The following BCAS3 variants were observed in gnomAD, a reference collection of about 807,000 sequenced individuals.
BCAS3 encodes BCAS4/BCAS3 fusion.
In BCAS3, 53 loss-of-function variants were observed where a neutral mutation model predicts 116.1. That is an observed-to-expected ratio of 0.46 (90% CI 0.37 to 0.57). The LOEUF is 0.57. Among genes scored for constraint, BCAS3 ranks in the 20% least tolerant of loss-of-function variants. The pLI is 0.00. For missense variants in BCAS3, 917 were observed against 1,165.4 expected, an observed-to-expected ratio of 0.79 and a Z score of 3.10; for synonymous variants, 391 against 408.2, an observed-to-expected ratio of 0.96 and a Z score of 0.51.
chr17:61,375,569 CTTT>C (rs909845597), intron 23 of BCAS3, among the ~76,000 whole-genome samples: 5 of 136,540 alleles, frequency 3.7e-5, no homozygotes, highest in Non-Finnish European at 3.2e-5. Context: ...TGTTAATTAT[CTTT>C]TTTTTTTTTT....
rs1230571296 is a variant in BCAS3, at chr17:61,127,000, A to G, written c.2425+42436A>G. Reference sequence around the variant, plus strand: ...TTCGTCACAGGCACTTAAGTTTTAGATTGCATTTAAATTAGGATACATCTC... The same window carrying G: ...TTCGTCACAGGCACTTAAGTTTTAGGTTGCATTTAAATTAGGATACATCTC... On this transcript the variant is annotated intron_variant, in intron 22 of 23. Coordinates refer to ENST00000407086, the MANE Select transcript of BCAS3 (RefSeq NM_017679.5). The surrounding 1 kb of genome is among the most constrained non-coding windows in gnomAD (Gnocchi z 4.6). Among the ~76,000 whole-genome samples, 1 of 152,120 alleles carries G rather than the reference A, an allele frequency of 6.6e-6. No homozygotes were observed. Among genetic ancestry groups the G allele is most frequent in the East Asian group, 1.9e-4 (1 of 5,182 alleles).
At chr17:61,022,885 A>T (rs73322800) in intron 16 of BCAS3, among the ~76,000 whole-genome samples, 15,433 of 151,224 alleles carry the variant, frequency 0.1, 2,368 homozygotes, top group African/African-American at 0.34. Context: ...GTCTTGCCTT[A>T]GCCTCCCAAA....
intron 5 of BCAS3, among the ~76,000 whole-genome samples, chr17:60,734,459 T>C (rs773416232): frequency 6.6e-6 from 1 of 152,206 alleles, no homozygotes; most frequent in Non-Finnish European, 1.5e-5. Context: ...TTTTAGACTT[T>C]CGTGTTTCAC....
At chr17:60,717,339 C>A (rs1215629747) in intron 5 of BCAS3, among the ~76,000 whole-genome samples, 9 of 151,840 alleles carry the variant, frequency 5.9e-5, no homozygotes, top group Non-Finnish European at 1.2e-4. Flanking sequence ...CCTCAGCCTC[C>A]CTAGTAGCTG....
intron 22 of BCAS3, among the ~76,000 whole-genome samples, chr17:61,183,212 C>CA (rs2079577942): frequency 1.3e-5 from 2 of 152,006 alleles, no homozygotes; most frequent in South Asian, 4.1e-4. Context: ...GAAAAGAAAA[C>CA]ATTACTTTAA....
At position 61,013,476 on chromosome 17, in the gene BCAS3, C is replaced by T. The variant is rs958645904; in HGVS notation, c.1487-2275C>T. Among the ~76,000 whole-genome samples the T allele has an allele frequency of 5.3e-5, 8 of 151,996 alleles. No homozygotes were observed. The highest frequency in any genetic ancestry group is 2.1e-4 in the South Asian group (1 of 4,826). ...TTGAGAGTGTGATAATAAATTACTT[C>T]GAATGGCTTAACTATGAAGCAGTTT... On this transcript the variant is annotated intron_variant, in intron 15 of 23. Transcript: ENST00000407086. This position sits in a 1 kb window ranked among gnomAD's most constrained non-coding sequence, Gnocchi z 4.4.
rs904748422 is a variant in BCAS3 at position 61,013,794 on chromosome 17, G to T, written c.1487-1957G>T. Reference sequence around the variant, plus strand: ...GATAGTTCTATAGAGTAATATAAAAGGATAGATTTGTGTCCAAGGAAGAAG... The same window carrying T: ...GATAGTTCTATAGAGTAATATAAAATGATAGATTTGTGTCCAAGGAAGAAG... On this transcript the variant is annotated intron_variant, in intron 15 of 23. Coordinates refer to ENST00000407086, the MANE Select transcript of BCAS3 (RefSeq NM_017679.5). This position sits in a 1 kb window ranked among gnomAD's most constrained non-coding sequence, Gnocchi z 4.4. Among the ~76,000 whole-genome samples the T allele has an allele frequency of 6.6e-6, 1 of 152,076 alleles. No homozygotes were observed. Among genetic ancestry groups the T allele is most frequent in the Admixed American group, 6.6e-5 (1 of 15,254 alleles).
At chr17:61,342,118 C>A (rs2057204903) in intron 22 of BCAS3, among the ~76,000 whole-genome samples, 1 of 152,124 alleles carries the variant, frequency 6.6e-6, no homozygotes, top group Non-Finnish European at 1.5e-5. Flanking sequence ...ATTCTCCTGC[C>A]TCAGCCTCCT....
rs6504036 is a variant in BCAS3 at position 61,316,424 on chromosome 17, G to C, written c.2426-51903G>C. 0.32 allele frequency among the ~76,000 whole-genome samples: 48,967 copies of C among 152,036 alleles called. 12,333 individuals carry two copies. The highest frequency in any genetic ancestry group is 0.71 in the African/African-American group (29,222 of 41,430). ...TTCTTAGAGCAGCAGAAGAGATGATGTTCATGCCCCATGCCTTTGTTGGTA... is the reference window on the plus strand; with the variant it reads ...TTCTTAGAGCAGCAGAAGAGATGATCTTCATGCCCCATGCCTTTGTTGGTA... On this transcript the variant is annotated intron_variant, in intron 22 of 23. Transcript: ENST00000407086. This position sits in a 1 kb window ranked among gnomAD's most constrained non-coding sequence, Gnocchi z 5.8.
rs564318308 is a variant in BCAS3, at chr17:61,352,341, C to G, written c.2426-15986C>G. ...ATAAAAAGATAGGTTTCTTTGCACA[C>G]ACAAACACACCCTGGGCTGACTATA... On this transcript the variant is annotated intron_variant, in intron 22 of 23. Transcript: ENST00000407086. This position sits in a 1 kb window ranked among gnomAD's most constrained non-coding sequence, Gnocchi z 4.7. Among the ~76,000 whole-genome samples, 1 of 152,210 alleles carries G rather than the reference C, an allele frequency of 6.6e-6. No individual in the cohort carries two copies. Among genetic ancestry groups the G allele is most frequent in the African/African-American group, 2.4e-5 (1 of 41,448 alleles).
rs1022638991 is a variant in BCAS3, at chr17:61,084,805, T to C, written c.2425+241T>C. Among the ~76,000 whole-genome samples, 1 of 152,218 alleles carries C rather than the reference T, an allele frequency of 6.6e-6. No individual in the cohort carries two copies. Among genetic ancestry groups the C allele is most frequent in the Non-Finnish European group, 1.5e-5 (1 of 68,048 alleles). On this transcript the variant is annotated intron_variant, in intron 22 of 23. Transcript: ENST00000407086. This position sits in a 1 kb window ranked among gnomAD's most constrained non-coding sequence, Gnocchi z 5.5. ...GGCACTTGATTAAATGTAATGAACATAGTATTGAAGGCTACAGGGTTGATG... is the reference window on the plus strand; with the variant it reads ...GGCACTTGATTAAATGTAATGAACACAGTATTGAAGGCTACAGGGTTGATG...
At chr17:60,931,575 C>A (rs970437353) in intron 13 of BCAS3, among the ~76,000 whole-genome samples, 1 of 152,146 alleles carries the variant, frequency 6.6e-6, no homozygotes, top group Non-Finnish European at 1.5e-5. Context: ...CCACACCCGG[C>A]CGGAATCTTC....
intron 22 of BCAS3, among the ~76,000 whole-genome samples, chr17:61,201,070 A>T (rs2080788343): frequency 6.6e-6 from 1 of 152,240 alleles, no homozygotes; most frequent in Non-Finnish European, 1.5e-5. Context: ...ATTCCATAAA[A>T]ATTAGGAGGT....
chr17:61,296,964 A>G (rs780303618), intron 22 of BCAS3, among the ~76,000 whole-genome samples: 1 of 152,206 alleles, frequency 6.6e-6, no homozygotes, highest in Non-Finnish European at 1.5e-5. Context: ...GGAATTTTAA[A>G]CAAGGTAATA....
intron 22 of BCAS3, among the ~76,000 whole-genome samples, chr17:61,191,501 C>T (rs866115212): frequency 2.6e-5 from 4 of 152,212 alleles, no homozygotes; most frequent in African/African-American, 4.8e-5. Flanking sequence ...TAAGGCCAGG[C>T]GCGGTGGCTC....
chr17:61,048,893 A>G (rs1234403230), intron 19 of BCAS3, among the ~76,000 whole-genome samples: 1 of 152,042 alleles, frequency 6.6e-6, no homozygotes, highest in Non-Finnish European at 1.5e-5. Context: ...AACAGTTACT[A>G]TGACTGTATT....
intron 22 of BCAS3, among the ~76,000 whole-genome samples, chr17:61,178,990 G>T (rs1281735595): frequency 6.6e-6 from 1 of 152,122 alleles, no homozygotes; most frequent in East Asian, 1.9e-4. Context: ...AGGAATTCAG[G>T]AGGTGGGAAG....
chr17:60,765,310 T>G (rs1376650591), intron 6 of BCAS3, among the ~76,000 whole-genome samples: 1 of 152,216 alleles, frequency 6.6e-6, no homozygotes, highest in Non-Finnish European at 1.5e-5. Flanking sequence ...ATTTGGCATC[T>G]TTTTGCAGTG....
chr17:61,273,696 A>G (rs570136063), intron 22 of BCAS3, among the ~76,000 whole-genome samples: 2 of 147,620 alleles, frequency 1.4e-5, no homozygotes, highest in African/African-American at 4.9e-5. Context: ...GTATCAGACC[A>G]CTAATATTGT....
Sources: gnomAD v4.1 joint callset for allele counts (sites outside exome capture counted in the v4.1 genomes callset) on GRCh38, gnomAD v4.1.1 for gene constraint, Gnocchi (gnomAD v3.1) non-coding constraint, MANE v1.5 for transcripts, NCBI Gene and HGNC (gene_info 2026-07-23, HGNC 2026-07-21) for gene names.